Variants in ZNF600 observed in about 807,000 individuals in gnomAD.
The protein encoded by ZNF600 is zinc finger protein KR-ZNF1.
A neutral mutation model predicts 7.3 loss-of-function variants in ZNF600; 4 were observed. The ratio of observed to expected loss-of-function variants is 0.55; its 90% confidence interval spans 0.27 to 1.25. The LOEUF is 1.25. Among genes scored for constraint, ZNF600 ranks in the 50% most tolerant of loss-of-function variants. The pLI, the probability that ZNF600 is intolerant of heterozygous loss-of-function variation, is 0.12. For missense variants in ZNF600, 911 were observed against 922.1 expected, an observed-to-expected ratio of 0.99 and a Z score of 0.16; for synonymous variants, 290 against 308.9, an observed-to-expected ratio of 0.94 and a Z score of 0.64.
the ZNF600 span, among the ~76,000 whole-genome samples, chr19:52,826,187 C>T: frequency 1.3e-5 from 2 of 151,688 alleles, no homozygotes; most frequent in East Asian, 3.9e-4. Context: ...TTTGGGAGGC[C>T]GATTTCTTGT....
chr19:52,785,545 G>A (rs1006649825), intron 1 of ZNF600, among the ~76,000 whole-genome samples: 11 of 152,002 alleles, frequency 7.2e-5, no homozygotes, highest in African/African-American at 2.7e-4. Context: ...CACAGCGCCC[G>A]GTCCTTATTT....
At chr19:52,831,788 G>A in the ZNF600 span, among the ~76,000 whole-genome samples, 1 of 152,028 alleles carries the variant, frequency 6.6e-6, no homozygotes, top group Non-Finnish European at 1.5e-5. Context: ...ACAGGCATGT[G>A]CCACTGCTCC....
At position 52,779,443 on chromosome 19, in the gene ZNF600, C is replaced by T. The variant is rs1262140470; in HGVS notation, c.-19-536G>A. Among the ~76,000 whole-genome samples the T allele has an allele frequency of 5.9e-5, 9 of 152,290 alleles. No homozygotes were observed. In the East Asian group the frequency reaches 1.2e-3, roughly 20 times the overall value. On this transcript the variant is annotated intron_variant, in intron 1 of 3. Coordinates refer to ENST00000648973, the Ensembl canonical transcript of ZNF600. ...AGGGTTGAGCTCCACTCAGAGGGGG[C>T]GAGCCCAGCACAGCCCCACGTTCTG... is the stretch of plus-strand genomic sequence containing the variant.
intron 2 of ZNF600, among the ~76,000 whole-genome samples, chr19:52,777,592 G>C (rs1426583860): frequency 2.0e-5 from 3 of 152,108 alleles, no homozygotes; most frequent in South Asian, 2.1e-4. Flanking sequence ...AGCACTTTGG[G>C]AGTCCAAGAC....
the ZNF600 span, among the ~76,000 whole-genome samples, chr19:52,823,915 T>C: frequency 1.3e-5 from 2 of 151,746 alleles, no homozygotes; most frequent in South Asian, 4.2e-4. Context: ...ATACAAAAAT[T>C]AGCCTGGCCT....
At chr19:52,796,381 CTG>C in the ZNF600 span, among the ~76,000 whole-genome samples, 1 of 152,152 alleles carries the variant, frequency 6.6e-6, no homozygotes. Flanking sequence ...GGTGGAATAA[CTG>C]GAATTGGGGG....
In ZNF600 at chr19:52,779,041, G is replaced by C. The variant is rs534353896; in HGVS notation, c.-19-134C>G. 11 of 772,326 alleles carry C rather than the reference G, an allele frequency of 1.4e-5. No individual in the cohort carries two copies. In the African/African-American group the frequency reaches 2.0e-4, roughly 14 times the overall value. 47.8% of individuals were successfully genotyped at this position (772,326 alleles called of 1,614,324 possible). On this transcript the variant is annotated intron_variant, in intron 1 of 3. Coordinates refer to ENST00000648973, the Ensembl canonical transcript of ZNF600. ...CGCCCACTGCACCAGAGATCATGCAGAGATAAGAAAGTCCCACAGGACGAC... is the reference window on the plus strand; with the variant it reads ...CGCCCACTGCACCAGAGATCATGCACAGATAAGAAAGTCCCACAGGACGAC...
the ZNF600 span, among the ~76,000 whole-genome samples, chr19:52,815,929 A>T: frequency 7.5e-5 from 11 of 147,434 alleles, 2 homozygotes; most frequent in African/African-American, 2.6e-4. Context: ...ACAAACCTTC[A>T]CATGTAGCCC....
chr19:52,803,569 C>T, the ZNF600 span, among the ~76,000 whole-genome samples: 2 of 152,286 alleles, frequency 1.3e-5, no homozygotes, highest in South Asian at 2.1e-4. Flanking sequence ...AAAGCCAAAA[C>T]TTGTACTTAC....
the ZNF600 span, among the ~76,000 whole-genome samples, chr19:52,793,791 CACACACACACACACACACACACACACAA>C: frequency 1.2e-4 from 9 of 75,054 alleles, no homozygotes; most frequent in African/African-American, 4.4e-4. Context: ...CACACACACA[CACACACACACACACACACACACACACAA>C]AAGTGATGTA....
the ZNF600 span, chr19:52,818,073 C>T: frequency 5.9e-6 from 9 of 1,520,030 alleles, no homozygotes; most frequent in African/African-American, 5.5e-5. Context: ...AGAATCAACA[C>T]ATCCCCTCCC....
chr19:52,771,128 T>C (rs75002970), intron 3 of ZNF600, among the ~76,000 whole-genome samples: 9,498 of 152,058 alleles, frequency 0.062, 951 homozygotes, highest in African/African-American at 0.21. Flanking sequence ...CCACCACGAC[T>C]GGCCAGGACT....
At chr19:52,765,138 A>G (rs1485084501) in exon 4 of ZNF600, 3 of 410,776 alleles carry the variant, frequency 7.3e-6, no homozygotes, top group African/African-American at 6.3e-5. Context: ...GTGTCAATTA[A>G]TGCTTGATGG....
At chr19:52,824,165 A>G in the ZNF600 span, among the ~76,000 whole-genome samples, 2 of 151,982 alleles carry the variant, frequency 1.3e-5, no homozygotes, top group Admixed American at 6.6e-5. Context: ...AAAATAAAAC[A>G]AAACAAAACA....
chr19:52,811,156 G>A, the ZNF600 span, among the ~76,000 whole-genome samples: 1 of 150,840 alleles, frequency 6.6e-6, no homozygotes, highest in Admixed American at 6.6e-5. Context: ...GGCCTCCCGA[G>A]GTGCCGGGAT....
At chr19:52,811,754 G>C in the ZNF600 span, among the ~76,000 whole-genome samples, 1 of 149,518 alleles carries the variant, frequency 6.7e-6, no homozygotes, top group East Asian at 2.0e-4. Context: ...CCGTCCGGGA[G>C]GGAGGTCGGG....
chr19:52,767,050 G>T (rs1423929862), exon 4 of ZNF600: 1 of 1,614,058 alleles, frequency 6.2e-7, no homozygotes, highest in African/African-American at 1.3e-5. Flanking sequence ...AGTCTACGAT[G>T]GCATGTAAGG....
At chr19:52,809,934 G>A in the ZNF600 span, 4 of 859,892 alleles carry the variant, frequency 4.7e-6, no homozygotes, top group Admixed American at 6.0e-5. Context: ...GGAGGCCGGG[G>A]AGGTTGCCCC....
At chr19:52,817,841 A>C in the ZNF600 span, 6 of 1,582,868 alleles carry the variant, frequency 3.8e-6, no homozygotes, top group African/African-American at 1.3e-5. Context: ...GTGAGCAAAC[A>C]TATCAGGCAG....
Sources: gnomAD v4.1 joint callset for allele counts (sites outside exome capture counted in the v4.1 genomes callset) on GRCh38, gnomAD v4.1.1 for gene constraint, MANE v1.5 for transcripts, NCBI Gene and HGNC (gene_info 2026-07-23, HGNC 2026-07-21) for gene names.